MCM3AP: variants seen among roughly 807,000 people sequenced by gnomAD.
MCM3AP encodes germinal-center associated nuclear protein.
Under a neutral mutation model 184.1 loss-of-function variants are expected in MCM3AP, and 126 were observed. The ratio of observed to expected loss-of-function variants is 0.68; its 90% CI spans 0.59 to 0.79. MCM3AP has a LOEUF of 0.79. Ranked by LOEUF, MCM3AP falls within the 30% of genes least tolerant of loss-of-function variation. The pLI is 0.00. For synonymous variants in MCM3AP, 1,002 were observed against 979.3 expected, an observed-to-expected ratio of 1.02 and a Z score of -0.43; for missense variants, 2,496 against 2,479.2, an observed-to-expected ratio of 1.01 and a Z score of -0.14.
In MCM3AP at chr21:46,244,814, G is replaced by A; in HGVS notation, c.5031C>T (p.Pro1677=). Reference sequence around the variant, plus strand: ...CCCAGGTCAAGCACGTACCCCCCAGGGGTGGAAGGTCCATCTGCGGAAGCT... The same window carrying A: ...CCCAGGTCAAGCACGTACCCCCCAGAGGTGGAAGGTCCATCTGCGGAAGCT... ...GFQLPQMDLP[P]LGAPWLPVCS... Residue 1677 remains proline (P), a synonymous_variant, in exon 23 of 28, where the codon CCC becomes CCT. Transcript: ENST00000291688. The A allele has an allele frequency of 1.2e-6, 2 of 1,612,158 alleles. No homozygotes were observed. Among genetic ancestry groups the A allele is most frequent in the Non-Finnish European group, 1.7e-6 (2 of 1,178,872 alleles).
At chr21:46,276,711 G>C (rs2081259616) in intron 5 of MCM3AP, among the ~76,000 whole-genome samples, 1 of 150,878 alleles carries the variant, frequency 6.6e-6, no homozygotes, top group Non-Finnish European at 1.5e-5. Context: ...AAAGTGCTGG[G>C]ATTACAGGCG....
At chr21:46,280,343 G>T (rs1199749795) in intron 3 of MCM3AP, among the ~76,000 whole-genome samples, 154 bp downstream of exon 3, 1 of 152,186 alleles carries the variant, frequency 6.6e-6, no homozygotes, top group Non-Finnish European at 1.5e-5. Flanking sequence ...CAAAGGGTTT[G>T]GACCAAGAGC....
chr21:46,257,725 C>T (rs1444039485), intron 16 of MCM3AP, among the ~76,000 whole-genome samples: 1 of 151,686 alleles, frequency 6.6e-6, no homozygotes, highest in Non-Finnish European at 1.5e-5. Context: ...TCGAGAGCAG[C>T]CTGGCCAATA....
intron 10 of MCM3AP, chr21:46,266,414 A>C (rs17182808): frequency 2.7e-6 from 1 of 372,914 alleles, no homozygotes; most frequent in South Asian, 7.4e-5. Flanking sequence ...CTCACCCAAA[A>C]CCGTCTAATT....
intron 9 of MCM3AP, among the ~76,000 whole-genome samples, chr21:46,270,088 T>C (rs184093449): frequency 1.3e-5 from 2 of 152,318 alleles, no homozygotes; most frequent in East Asian, 3.9e-4. Context: ...GCATATGATA[T>C]GAGATTTTTG....
chr21:46,245,049 C>A lies in MCM3AP; in HGVS notation c.4796G>T (p.Gly1599Val). The change falls in exon 23 of 28, where the codon GGT becomes GTT. Residue 1599 changes from glycine to valine, a missense_variant. Coordinates refer to ENST00000291688, the MANE Select transcript of MCM3AP (RefSeq NM_003906.5). ...GGCGCCAGGCTCCTGAGAAGCAAGA[C>A]CGCCCAGACGCCTCTCTCTTCTGTC... Reference protein sequence around the residue: ...FHDRRERRLGGLASQEPGAII... With the variant: ...FHDRRERRLGVLASQEPGAII... 6.2e-7 allele frequency: 1 copy of A among 1,614,246 alleles called. No individual in the cohort carries two copies. Among genetic ancestry groups the A allele is most frequent in the Non-Finnish European group, 8.5e-7 (1 of 1,180,052 alleles).
At chr21:46,258,624 G>A (rs749058023) in intron 16 of MCM3AP, among the ~76,000 whole-genome samples, 1 of 152,176 alleles carries the variant, frequency 6.6e-6, no homozygotes, top group South Asian at 2.1e-4. Flanking sequence ...GTTCATAGCT[G>A]TCTCCCAGCA....
At position 46,267,034 on chromosome 21, in the gene MCM3AP, A is replaced by G. The variant is rs2081121597; in HGVS notation, c.2737T>C (p.Cys913Arg). Residue 913 changes from cysteine to arginine, a missense_variant, in exon 10 of 28, where the codon TGT becomes CGT. This residue lies in a region of MCM3AP where 138 missense variants were observed against 191.9 expected (regional missense o/e 0.72). Transcript: ENST00000291688. ...GVVRMLLFRD[C>R]EEATDFLTCH... ...GTGAGGAAGTCGGTGGCCTCTTCAC[A>G]GTCTCTGAACAGCAGCATGCGCACC... The G allele has an allele frequency of 3.1e-6, 5 of 1,614,226 alleles. No homozygotes were observed. Among genetic ancestry groups the G allele is most frequent in the South Asian group, 1.1e-5 (1 of 91,082 alleles).
intron 19 of MCM3AP, chr21:46,252,487 G>A (rs896822432): frequency 1.3e-5 from 2 of 151,374 alleles, no homozygotes; most frequent in African/African-American, 2.4e-5. Context: ...CCCAGTTTGA[G>A]ACCAGCCTGG....
rs55695472 is a variant in MCM3AP at position 46,258,737 on chromosome 21, A to ATGTGTGTGTGTGTGTGTG, written c.3734+184_3734+201dup. Among the ~76,000 whole-genome samples the ATGTGTGTGTGTGTGTGTG allele has an allele frequency of 0.05, 7,565 of 150,124 alleles. 231 individuals carry two copies. The highest frequency in any genetic ancestry group is 0.057 in the Non-Finnish European group (3,875 of 67,512). On this transcript the variant is annotated intron_variant, in intron 16 of 27. Coordinates refer to ENST00000291688, the MANE Select transcript of MCM3AP (RefSeq NM_003906.5). ...CTCCTGACTTTTCCCCTTATATTGT[A>ATGTGTGTGTGTGTGTGTG]TGTGTGTGTGTGTGTGTGTGTAATC...
Position 46,265,922 on chromosome 21 carries a change from C to CA in MCM3AP, c.3031+2dup. The CA allele has an allele frequency of 6.4e-7, 1 of 1,560,174 alleles. No homozygotes were observed. The highest frequency in any genetic ancestry group is 8.7e-7 in the Non-Finnish European group (1 of 1,148,128). On this transcript the variant is annotated splice_region_variant and intron_variant, in intron 11 of 27. Transcript: ENST00000291688. ...CCCTCACTACGACTGCAGCTTCACT[C>CA]ACCCACTGTGTCGGAGCCGGGTCTC...
At chr21:46,269,464 C>T (rs992311574) in intron 9 of MCM3AP, among the ~76,000 whole-genome samples, 1 of 152,214 alleles carries the variant, frequency 6.6e-6, no homozygotes, top group Non-Finnish European at 1.5e-5. Flanking sequence ...TTTTCATTTA[C>T]TCCAGAATAT....
At chr21:46,242,540 A>G (rs771721109) in intron 25 of MCM3AP, 2 of 267,390 alleles carry the variant, frequency 7.5e-6, no homozygotes, top group Non-Finnish European at 1.4e-5. Flanking sequence ...TTGGAACCAA[A>G]TTTGGAAGTG....
In MCM3AP at chr21:46,276,426, GA is replaced by G. The variant is rs1311017913; in HGVS notation, c.1858+1100del. Among the ~76,000 whole-genome samples the G allele has an allele frequency of 2.0e-5, 3 of 152,136 alleles. No individual in the cohort carries two copies. In the East Asian group the frequency reaches 5.8e-4, roughly 29 times the overall value. On this transcript the variant is annotated intron_variant, in intron 5 of 27. Coordinates refer to ENST00000291688, the MANE Select transcript of MCM3AP (RefSeq NM_003906.5). ...AATTATCCACAGCTTTTAAAAAGAG[GA>G]AACTCCTATAGCTGATTTTTTTTTT...
chr21:46,269,623 C>T (rs1330163450), intron 9 of MCM3AP, among the ~76,000 whole-genome samples: 3 of 152,166 alleles, frequency 2.0e-5, no homozygotes, highest in African/African-American at 7.2e-5. Context: ...TCAACCAAGG[C>T]AGGTCCCAGG....
At chr21:46,280,408 T>C (rs1346198510) in intron 3 of MCM3AP, 89 bp downstream of exon 3, 1 of 1,023,436 alleles carries the variant, frequency 9.8e-7, no homozygotes, top group African/African-American at 1.6e-5. Context: ...AATCCCAAGA[T>C]CAGACTGGGC....
At chr21:46,258,556 C>T (rs532180224) in intron 16 of MCM3AP, among the ~76,000 whole-genome samples, 1 of 152,216 alleles carries the variant, frequency 6.6e-6, no homozygotes, top group South Asian at 2.1e-4. Context: ...TGCTTTTTCT[C>T]CACTACTTAT....
In MCM3AP at chr21:46,284,955, C is replaced by T. The variant is rs2081388693; in HGVS notation, c.332G>A (p.Ser111Asn). The change falls in exon 1 of 28, where the codon AGT (serine) becomes AAT (asparagine). Residue 111 changes from serine (S) to asparagine (N), a missense_variant. By Grantham distance (46) the Ser-to-Asn change is conservative (BLOSUM62 1). Transcript: ENST00000291688. Reference protein sequence around the residue: ...SSSVLGNTGFSFKSPTSVGAF... With the variant: ...SSSVLGNTGFNFKSPTSVGAF... ...CCCAACACTGGTGGGTGATTTAAAA[C>T]TAAATCCTGTGTTTCCCAGCACAGA... is the stretch of plus-strand genomic sequence containing the variant. 1.2e-6 allele frequency: 2 copies of T among 1,613,946 alleles called. No homozygotes were observed. The highest frequency in any genetic ancestry group is 1.7e-5 in the Admixed American group (1 of 60,004).
chr21:46,257,648 C>T (rs1450196128), intron 16 of MCM3AP, among the ~76,000 whole-genome samples: 2 of 151,906 alleles, frequency 1.3e-5, no homozygotes, highest in South Asian at 2.1e-4. Flanking sequence ...CGTCCAGGCT[C>T]GGTGGCTCAC....
Sources: gnomAD v4.1 joint callset for allele counts (sites outside exome capture counted in the v4.1 genomes callset) on GRCh38, gnomAD v4.1.1 for gene constraint, gnomAD v4.1.1 regional missense constraint, MANE v1.5 for transcripts, NCBI Gene and HGNC (gene_info 2026-07-23, HGNC 2026-07-21) for gene names.